Variants in CCSER1 observed in about 807,000 individuals in gnomAD.
The protein encoded by CCSER1 is coiled-coil serine rich protein 1, also known as serine-rich coiled-coil domain-containing protein 1.
A neutral mutation model predicts 82.0 loss-of-function variants in CCSER1; 41 were observed. The observed-to-expected ratio is 0.50, with a 90% confidence interval of 0.39 to 0.65. The LOEUF is 0.65. Among genes scored for constraint, CCSER1 ranks in the 30% least tolerant of loss-of-function variants. The probability of loss-of-function intolerance (pLI) is 0.00; values close to 1 mark genes in which losing one functional copy is unlikely to be tolerated. For missense variants in CCSER1, 1,119 were observed against 1,064.2 expected (o/e 1.05, Z -0.72); for synonymous variants, 414 against 383.9 (o/e 1.08, Z -0.92).
intron 10 of CCSER1, among the ~76,000 whole-genome samples, chr4:91,463,054 GCCT>G (rs1458752211): frequency 6.6e-6 from 1 of 152,130 alleles, no homozygotes; most frequent in Non-Finnish European, 1.5e-5. Flanking sequence ...CGGACAGACT[GCCT>G]CCTCAAGTGG....
intron 8 of CCSER1, among the ~76,000 whole-genome samples, chr4:90,894,777 A>T (rs1373486607): frequency 6.6e-6 from 1 of 152,024 alleles, no homozygotes; most frequent in Non-Finnish European, 1.5e-5. Flanking sequence ...ATCATTCACC[A>T]GACACTTTCC....
At chr4:90,281,694 A>G (rs1728897262) in intron 1 of CCSER1, among the ~76,000 whole-genome samples, 1 of 151,994 alleles carries the variant, frequency 6.6e-6, no homozygotes, top group Admixed American at 6.6e-5. Context: ...TTTTATCTGT[A>G]TTAGCTTTTT....
intron 10 of CCSER1, among the ~76,000 whole-genome samples, chr4:91,218,609 G>A (rs11933905): frequency 0.058 from 8,841 of 152,264 alleles, 504 homozygotes; most frequent in African/African-American, 0.15. Context: ...TAACACTAGT[G>A]TACTTTGAGG....
At chr4:91,153,986 A>G (rs7690657) in intron 10 of CCSER1, among the ~76,000 whole-genome samples, 109,785 of 151,732 alleles carry the variant, frequency 0.72, 40,290 homozygotes, top group Non-Finnish European at 0.78. Context: ...CAGTCTGTCC[A>G]TCCTCAGATC....
At chr4:91,284,980 A>T (rs1342745038) in intron 10 of CCSER1, among the ~76,000 whole-genome samples, 1 of 151,920 alleles carries the variant, frequency 6.6e-6, no homozygotes, top group Non-Finnish European at 1.5e-5. Context: ...TAATGAAAAA[A>T]TTTTGAAAGT....
rs202040776 is a variant in CCSER1 at position 91,442,914 on chromosome 4, C to T, written c.2218-155658C>T. ...CCGTCAGAGAAATGCAAATCAAAAC[C>T]GCAGTGAGATACCATCTCACACCAG... On this transcript the variant is annotated intron_variant, in intron 10 of 10. Transcript: ENST00000509176. Among the ~76,000 whole-genome samples the T allele has an allele frequency of 4.1e-4, 62 of 152,288 alleles. No individual in the cohort carries two copies. The East Asian group carries it at 7.5e-3, about 18-fold the overall frequency.
At chr4:90,812,459 A>G (rs1758477599) in intron 7 of CCSER1, among the ~76,000 whole-genome samples, 1 of 152,230 alleles carries the variant, frequency 6.6e-6, no homozygotes, top group African/African-American at 2.4e-5. Flanking sequence ...TTGGGTGTAC[A>G]TGCAGAGTGA....
chr4:90,411,282 G>A (rs1754734641), intron 4 of CCSER1, among the ~76,000 whole-genome samples: 1 of 152,130 alleles, frequency 6.6e-6, no homozygotes, highest in Non-Finnish European at 1.5e-5. Context: ...TATGAGGCCA[G>A]CATCATCCTG....
intron 10 of CCSER1, among the ~76,000 whole-genome samples, chr4:91,591,866 C>A (rs768542563): frequency 6.6e-6 from 1 of 152,046 alleles, no homozygotes; most frequent in Non-Finnish European, 1.5e-5. Context: ...TGACAAAATA[C>A]ACTGAAATTG....
chr4:90,347,275 AT>A (rs1465145080), intron 3 of CCSER1, among the ~76,000 whole-genome samples: 1 of 152,032 alleles, frequency 6.6e-6, no homozygotes, highest in African/African-American at 2.4e-5. Context: ...AATACTATGT[AT>A]TTTTTAAACA....
At chr4:90,187,358 A>ATT (rs67308500) in intron 1 of CCSER1, among the ~76,000 whole-genome samples, 3 of 130,460 alleles carry the variant, frequency 2.3e-5, no homozygotes, top group Non-Finnish European at 3.3e-5. Flanking sequence ...TACAGTAGCT[A>ATT]TTTTTTTTTT....
intron 10 of CCSER1, among the ~76,000 whole-genome samples, chr4:91,463,246 AG>A (rs1756622544): frequency 6.6e-6 from 1 of 152,346 alleles, no homozygotes; most frequent in East Asian, 1.9e-4. Context: ...CCAGGCAAAC[AG>A]GGTCTGGAGT....
intron 10 of CCSER1, among the ~76,000 whole-genome samples, chr4:91,353,175 C>T (rs1240051959): frequency 6.6e-6 from 1 of 152,178 alleles, no homozygotes; most frequent in Non-Finnish European, 1.5e-5. Context: ...GAAGGAAGGG[C>T]TTTATTCAGC....
chr4:90,299,015 G>A (rs1732561280), intron 1 of CCSER1, among the ~76,000 whole-genome samples: 1 of 151,366 alleles, frequency 6.6e-6, no homozygotes, highest in African/African-American at 2.4e-5. Flanking sequence ...GTTTCTTCTG[G>A]TCATTAAAAA....
intron 10 of CCSER1, among the ~76,000 whole-genome samples, chr4:91,409,909 C>T (rs922338769): frequency 2.0e-5 from 3 of 152,084 alleles, no homozygotes; most frequent in South Asian, 2.1e-4. Flanking sequence ...CTCGAACTCC[C>T]GACCTCAGGT....
intron 5 of CCSER1, among the ~76,000 whole-genome samples, chr4:90,611,079 TGTA>T (rs1384237906): frequency 1.4e-5 from 2 of 142,172 alleles, no homozygotes; most frequent in East Asian, 4.1e-4. Context: ...TTTTTTTTTT[TGTA>T]GAGATAGAGT....
intron 9 of CCSER1, among the ~76,000 whole-genome samples, chr4:90,955,718 C>A (rs921474676): frequency 6.6e-6 from 1 of 152,136 alleles, no homozygotes; most frequent in Non-Finnish European, 1.5e-5. Flanking sequence ...TGCCCTCCTG[C>A]ACATGCCTCA....
chr4:90,140,586 G>A lies in CCSER1; in HGVS notation c.-42+12755G>A, dbSNP rs138073975. On this transcript the variant is annotated intron_variant, in intron 1 of 10. Coordinates refer to ENST00000509176, the MANE Select transcript of CCSER1 (RefSeq NM_001145065.2). Reference sequence around the variant, plus strand: ...ATGTGTGTACGTACACATGTACACAGGTATGTAGTAATTAATTTCTTATGA... The same window carrying A: ...ATGTGTGTACGTACACATGTACACAAGTATGTAGTAATTAATTTCTTATGA... Among the ~76,000 whole-genome samples, 10 of 151,464 alleles carry A rather than the reference G, an allele frequency of 6.6e-5. 1 individual carries two copies. The East Asian group carries it at 1.7e-3, about 26-fold the overall frequency.
At chr4:90,803,373 CCT>C (rs1491494775) in intron 7 of CCSER1, among the ~76,000 whole-genome samples, 2 of 143,994 alleles carry the variant, frequency 1.4e-5, no homozygotes, top group Non-Finnish European at 3.2e-5. Context: ...TCCCCCACCC[CCT>C]GACAGGCCTT....
Sources: allele counts gnomAD v4.1 joint callset (sites outside exome capture counted in the v4.1 genomes callset), GRCh38; gene constraint gnomAD v4.1.1; transcripts MANE v1.5; gene names NCBI Gene and HGNC (gene_info 2026-07-23, HGNC 2026-07-21).